KCNK10: variants seen among roughly 807,000 people sequenced by gnomAD.
KCNK10 encodes potassium channel subfamily K member 10.
Under a neutral mutation model 47.7 loss-of-function variants are expected in KCNK10, and 25 were observed. The ratio of observed to expected loss-of-function variants is 0.52; its 90% confidence interval spans 0.38 to 0.73. The LOEUF is 0.73. Among genes scored for constraint, KCNK10 ranks in the 30% least tolerant of loss-of-function variants. The probability of loss-of-function intolerance (pLI) is 0.00; values close to 1 mark genes in which losing one functional copy is unlikely to be tolerated. For synonymous variants in KCNK10, 303 were observed against 285.6 expected, an observed-to-expected ratio of 1.06 and a Z score of -0.61; for missense variants, 563 against 714.5, an observed-to-expected ratio of 0.79 and a Z score of 2.42.
intron 1 of KCNK10, among the ~76,000 whole-genome samples, chr14:88,297,796 C>T (rs57275142): frequency 4.5e-4 from 69 of 152,250 alleles, no homozygotes; most frequent in African/African-American, 1.5e-3. Context: ...CAGAGATAGA[C>T]ATTATATAAA....
intron 1 of KCNK10, among the ~76,000 whole-genome samples, chr14:88,316,735 A>G (rs1487103095): frequency 6.6e-6 from 1 of 152,154 alleles, no homozygotes; most frequent in Non-Finnish European, 1.5e-5. Context: ...TCCAAACTGA[A>G]ACTTCCTAAC....
chr14:88,296,312 C>A (rs1887983234), intron 1 of KCNK10, among the ~76,000 whole-genome samples: 1 of 152,200 alleles, frequency 6.6e-6, no homozygotes, highest in Non-Finnish European at 1.5e-5. Flanking sequence ...AAGTTTTTTA[C>A]CCTCTCTGAG....
chr14:88,299,229 C>T (rs748645952), intron 1 of KCNK10, among the ~76,000 whole-genome samples: 8 of 152,162 alleles, frequency 5.3e-5, no homozygotes, highest in Non-Finnish European at 1.0e-4. Context: ...TTGAAGTGAA[C>T]TGAATTTGAG....
At chr14:88,232,834 C>T (rs28488451) in intron 3 of KCNK10, among the ~76,000 whole-genome samples, 1 of 152,154 alleles carries the variant, frequency 6.6e-6, no homozygotes, top group Non-Finnish European at 1.5e-5. Flanking sequence ...TTTGGGAAAG[C>T]CCCCCTTCCT....
intron 2 of KCNK10, among the ~76,000 whole-genome samples, chr14:88,251,299 CA>C (rs1372312540): frequency 6.6e-6 from 1 of 150,906 alleles, no homozygotes; most frequent in Non-Finnish European, 1.5e-5. Flanking sequence ...AAGCCTTTAG[CA>C]TTTTCTATTG....
At chr14:88,314,863 G>A (rs982284785) in intron 1 of KCNK10, among the ~76,000 whole-genome samples, 21 of 152,198 alleles carry the variant, frequency 1.4e-4, no homozygotes, top group Admixed American at 1.4e-3. Context: ...AAGAAGTAAT[G>A]GCTGTAATTA....
Position 88,186,272 on chromosome 14 carries a change from G to A in KCNK10, c.1012-117C>T. On this transcript the variant is annotated intron_variant, in intron 6 of 6. Coordinates refer to ENST00000319231, the MANE Select transcript of KCNK10 (RefSeq NM_138317.3). This position sits in a 1 kb window ranked among gnomAD's most constrained non-coding sequence, Gnocchi z 5.5. ...GAGGCCAGGAGGTGACGGAGCACAT[G>A]CCCAGGGGGAGGTGCAAATGCTACC... 1 of 1,238,856 alleles carries A rather than the reference G, an allele frequency of 8.1e-7. No homozygotes were observed. The highest frequency in any genetic ancestry group is 1.6e-5 in the South Asian group (1 of 62,044). 76.7% of individuals were successfully genotyped at this position (1,238,856 alleles called of 1,614,324 possible).
At chr14:88,204,779 G>A (rs920055241) in intron 4 of KCNK10, among the ~76,000 whole-genome samples, 1 of 152,002 alleles carries the variant, frequency 6.6e-6, no homozygotes, top group Non-Finnish European at 1.5e-5. Context: ...TAAGAGAAAG[G>A]TACAGAGATC....
At chr14:88,320,055 C>T (rs1337714971) in intron 1 of KCNK10, among the ~76,000 whole-genome samples, 1 of 152,214 alleles carries the variant, frequency 6.6e-6, no homozygotes, top group Non-Finnish European at 1.5e-5. Context: ...AAAAAGACTA[C>T]TGTCACCCCT....
At chr14:88,192,154 G>C (rs1269804355) in intron 5 of KCNK10, 70 bp downstream of exon 5, 2 of 1,425,002 alleles carry the variant, frequency 1.4e-6, no homozygotes, top group Non-Finnish European at 1.9e-6. Flanking sequence ...TTTATCGATT[G>C]CGAAAAGCAC....
chr14:88,315,316 G>A (rs1595134987), intron 1 of KCNK10, among the ~76,000 whole-genome samples: 1 of 152,142 alleles, frequency 6.6e-6, no homozygotes, highest in Admixed American at 6.5e-5. Flanking sequence ...GTTAACATGG[G>A]TAACAACACT....
intron 4 of KCNK10, among the ~76,000 whole-genome samples, chr14:88,216,664 A>G (rs539978925): frequency 6.6e-6 from 1 of 152,264 alleles, no homozygotes; most frequent in East Asian, 1.9e-4. Flanking sequence ...TGGATGTCAT[A>G]TATGTAGGTC....
chr14:88,188,664 T>G (rs1471131974), intron 5 of KCNK10, among the ~76,000 whole-genome samples: 2 of 152,200 alleles, frequency 1.3e-5, no homozygotes, highest in Non-Finnish European at 2.9e-5. Context: ...TGAGGAATGG[T>G]GTTTACATAG....
Position 88,207,168 on chromosome 14 carries a change from CTTTTT to C in KCNK10, c.682-14763_682-14759del, listed in dbSNP as rs55711197. ...CTAGTTTCGATTTCAAGGTCACTCT[CTTTTT>C]TTTTTTTTTTTTTTTTTGAGACAGA... On this transcript the variant is annotated intron_variant, in intron 4 of 6. Coordinates refer to ENST00000319231, the MANE Select transcript of KCNK10 (RefSeq NM_138317.3). 7.4e-5 allele frequency among the ~76,000 whole-genome samples: 8 copies of C among 107,750 alleles called. 1 individual carries two copies. Among genetic ancestry groups the C allele is most frequent in the Admixed American group, 4.2e-4 (4 of 9,626 alleles). The allele number at this position is 107,750 out of a possible 152,430, so 70.7% of individuals were successfully genotyped here.
intron 4 of KCNK10, 100 bp from the exon 5 acceptor site, chr14:88,192,510 C>T (rs1408256008): frequency 2.0e-6 from 2 of 1,004,614 alleles, no homozygotes; most frequent in Admixed American, 2.5e-5. Flanking sequence ...GACTTTTAAC[C>T]TTTCTCTGGT....
intron 1 of KCNK10, among the ~76,000 whole-genome samples, chr14:88,279,193 G>A (rs1258708686): frequency 6.6e-6 from 1 of 152,074 alleles, no homozygotes; most frequent in African/African-American, 2.4e-5. Context: ...TCCTACTATG[G>A]GCTCAGCATC....
intron 4 of KCNK10, among the ~76,000 whole-genome samples, chr14:88,225,371 C>T (rs1885949766): frequency 6.6e-6 from 1 of 152,114 alleles, no homozygotes. Flanking sequence ...TTTGATGGTG[C>T]TGCAAGGAGC....
At chr14:88,262,122 T>C (rs1178050033) in intron 2 of KCNK10, among the ~76,000 whole-genome samples, 2 of 152,232 alleles carry the variant, frequency 1.3e-5, no homozygotes, top group Non-Finnish European at 2.9e-5. Context: ...TAGAATTTAA[T>C]GTGCATCTTC....
chr14:88,213,332 G>A (rs938410778), intron 4 of KCNK10, among the ~76,000 whole-genome samples: 3 of 152,092 alleles, frequency 2.0e-5, no homozygotes, highest in African/African-American at 7.2e-5. Context: ...TCTATAAGAA[G>A]AGAGCAAAGA....
Sources: allele counts gnomAD v4.1 joint callset (sites outside exome capture counted in the v4.1 genomes callset), GRCh38; gene constraint gnomAD v4.1.1; non-coding constraint Gnocchi (gnomAD v3.1); transcripts MANE v1.5; gene names NCBI Gene and HGNC (gene_info 2026-07-23, HGNC 2026-07-21).